PTCSC3: variants seen among roughly 807,000 people sequenced by gnomAD.
PTCSC3 encodes the protein papillary thyroid carcinoma susceptibility candidate 3 (non-protein coding).
chr14:36,176,720 G>A (rs114922114), upstream of PTCSC3, among the ~76,000 whole-genome samples: 41 of 152,258 alleles, frequency 2.7e-4, no homozygotes, highest in African/African-American at 8.7e-4. Context: ...GTGAATGTGC[G>A]TTATGGACTT....
At chr14:36,139,587 G>A (rs1247797809) in intron 3 of PTCSC3, among the ~76,000 whole-genome samples, 1 of 152,020 alleles carries the variant, frequency 6.6e-6, no homozygotes, top group East Asian at 1.9e-4. Context: ...CACAACATGT[G>A]TATCTATGAA....
chr14:36,155,514 C>T (rs1169134), intron 2 of PTCSC3, among the ~76,000 whole-genome samples: 97,119 of 151,666 alleles, frequency 0.64, 31,413 homozygotes, highest in Middle Eastern at 0.7. Flanking sequence ...ACTCACGGTC[C>T]TTAAATTATA....
intron 3 of PTCSC3, among the ~76,000 whole-genome samples, chr14:36,148,132 C>T (rs1485705626): frequency 1.3e-5 from 2 of 151,970 alleles, no homozygotes; most frequent in Non-Finnish European, 2.9e-5. Context: ...CTGTGCCCTG[C>T]CCCCAGAGAT....
chr14:36,153,095 T>C (rs1014724028), intron 3 of PTCSC3, among the ~76,000 whole-genome samples: 4 of 152,128 alleles, frequency 2.6e-5, no homozygotes, highest in African/African-American at 9.7e-5. Flanking sequence ...TCCAGCATGA[T>C]TGTGTTCTTT....
At chr14:36,156,726 C>A (rs1345479541) in intron 2 of PTCSC3, among the ~76,000 whole-genome samples, 4 of 152,134 alleles carry the variant, frequency 2.6e-5, no homozygotes, top group African/African-American at 9.7e-5. Flanking sequence ...ATCCATGTCC[C>A]TGCAAAGGAC....
chr14:36,154,811 G>A (rs1881795278), intron 2 of PTCSC3, among the ~76,000 whole-genome samples: 1 of 152,194 alleles, frequency 6.6e-6, no homozygotes, highest in Admixed American at 6.5e-5. Context: ...GGATATCCAA[G>A]TAGAGATGTC....
intron 1 of PTCSC3, among the ~76,000 whole-genome samples, chr14:36,166,156 G>C (rs372337157): frequency 6.6e-6 from 1 of 152,092 alleles, no homozygotes; most frequent in Non-Finnish European, 1.5e-5. Context: ...CCATCCACCC[G>C]ATGGCTATTG....
chr14:36,172,731 G>A (rs1882212107), intron 1 of PTCSC3, among the ~76,000 whole-genome samples: 1 of 151,974 alleles, frequency 6.6e-6, no homozygotes, highest in South Asian at 2.1e-4. Context: ...AAGCCCCATT[G>A]TCTGGTTGGT....
intron 1 of PTCSC3, among the ~76,000 whole-genome samples, chr14:36,170,691 T>C (rs186128749): frequency 2.4e-4 from 36 of 152,254 alleles, no homozygotes; most frequent in African/African-American, 7.7e-4. Context: ...TCTGGGATCC[T>C]GGACTCAAAA....
At chr14:36,145,852 G>C (rs1359816352) in intron 3 of PTCSC3, among the ~76,000 whole-genome samples, 1 of 148,594 alleles carries the variant, frequency 6.7e-6, no homozygotes, top group Non-Finnish European at 1.5e-5. Context: ...AGAGATTCTG[G>C]TATGTTGTGT....
At chr14:36,147,646 C>A (rs908641716) in intron 3 of PTCSC3, among the ~76,000 whole-genome samples, 2 of 151,866 alleles carry the variant, frequency 1.3e-5, no homozygotes, top group Non-Finnish European at 2.9e-5. Context: ...TCGTCTGAAG[C>A]CTTCTTCTCT....
intron 1 of PTCSC3, among the ~76,000 whole-genome samples, chr14:36,173,352 A>G (rs1253727375): frequency 6.6e-6 from 1 of 152,140 alleles, no homozygotes; most frequent in Non-Finnish European, 1.5e-5. Context: ...GAGGCAATCA[A>G]CACTGTAACT....
intron 2 of PTCSC3, among the ~76,000 whole-genome samples, chr14:36,157,544 A>G (rs1177227017): frequency 6.6e-6 from 1 of 152,052 alleles, no homozygotes; most frequent in Non-Finnish European, 1.5e-5. Flanking sequence ...TCCTACGTTT[A>G]CATCTTTAAT....
chr14:36,176,437 C>T (rs1246583157), exon 1 of PTCSC3: 1 of 151,896 alleles, frequency 6.6e-6, no homozygotes, highest in African/African-American at 2.4e-5. Flanking sequence ...GCAAGAAAAA[C>T]AACAGGTCCC....
intron 1 of PTCSC3, among the ~76,000 whole-genome samples, chr14:36,174,953 G>C (rs1882256669): frequency 2.0e-5 from 3 of 152,264 alleles, no homozygotes; most frequent in Admixed American, 1.3e-4. Context: ...TCAACCTCTA[G>C]AATCTTGGTT....
At chr14:36,146,683 G>C (rs1566504105) in intron 3 of PTCSC3, among the ~76,000 whole-genome samples, 1 of 152,180 alleles carries the variant, frequency 6.6e-6, no homozygotes, top group Admixed American at 6.5e-5. Context: ...ATATTGTTAT[G>C]TGTGAATTTG....
chr14:36,150,707 T>G (rs1474470746), intron 3 of PTCSC3, among the ~76,000 whole-genome samples: 2 of 152,310 alleles, frequency 1.3e-5, no homozygotes, highest in Non-Finnish European at 2.9e-5. Context: ...TTTTTAGGCC[T>G]TGACCTAGAG....
At chr14:36,162,342 C>T (rs575063799) in intron 2 of PTCSC3, among the ~76,000 whole-genome samples, 17 of 151,142 alleles carry the variant, frequency 1.1e-4, no homozygotes, top group Admixed American at 1.1e-3. Flanking sequence ...TGCTTGAAAC[C>T]TAGGTCCCTT....
intron 3 of PTCSC3, among the ~76,000 whole-genome samples, chr14:36,140,079 T>C (rs1000723017): frequency 6.6e-6 from 1 of 152,244 alleles, no homozygotes; most frequent in East Asian, 1.9e-4. Flanking sequence ...GTAGTTGGAA[T>C]GACAGAGTAT....
Sources: gnomAD v4.1 joint callset for allele counts (sites outside exome capture counted in the v4.1 genomes callset) on GRCh38, gnomAD v4.1.1 for gene constraint, MANE v1.5 for transcripts, NCBI Gene and HGNC (gene_info 2026-07-23, HGNC 2026-07-21) for gene names.